Variants in DLC1 observed in about 807,000 individuals in gnomAD.
DLC1 encodes the protein rho GTPase-activating protein 7.
A neutral mutation model predicts 140.3 loss-of-function variants in DLC1; 54 were observed. The ratio of observed to expected loss-of-function variants is 0.38; its 90% CI spans 0.31 to 0.48. DLC1 has a LOEUF of 0.48. Among genes scored for constraint, DLC1 ranks in the 20% least tolerant of loss-of-function variants. The pLI, the probability that DLC1 is intolerant of heterozygous loss-of-function variation, is 0.96. For synonymous variants in DLC1, 986 were observed against 728.1 expected (o/e 1.35, Z -5.70); for missense variants, 2,536 against 1,907.0 (o/e 1.33, Z -6.14).
chr8:13,465,416 A>G (rs906832330), intron 2 of DLC1, among the ~76,000 whole-genome samples: 2 of 152,160 alleles, frequency 1.3e-5, no homozygotes, highest in African/African-American at 4.8e-5. Flanking sequence ...GGTGTATTTG[A>G]CATTTTAATT....
intron 2 of DLC1, among the ~76,000 whole-genome samples, chr8:13,487,222 G>A (rs951929664): frequency 6.6e-6 from 1 of 152,174 alleles, no homozygotes; most frequent in Non-Finnish European, 1.5e-5. Flanking sequence ...TGCATTTCCA[G>A]TTGTGGATGA....
intron 1 of DLC1, among the ~76,000 whole-genome samples, chr8:13,547,708 A>C (rs73210093): frequency 0.068 from 10,402 of 152,142 alleles, 568 homozygotes; most frequent in Admixed American, 0.17. Context: ...CTCGACTAAT[A>C]ACAAAATATT....
intron 2 of DLC1, among the ~76,000 whole-genome samples, chr8:13,449,319 C>G (rs1279956305): frequency 6.6e-6 from 1 of 152,098 alleles, no homozygotes; most frequent in Admixed American, 6.5e-5. Flanking sequence ...GTCTTTGAAA[C>G]AAGAAGGAGG....
At chr8:13,538,820 G>T (rs1383171034) in intron 1 of DLC1, among the ~76,000 whole-genome samples, 1 of 152,180 alleles carries the variant, frequency 6.6e-6, no homozygotes, top group East Asian at 1.9e-4. Context: ...CTGTATGTGA[G>T]CAAAATATTG....
At chr8:13,450,563 T>C (rs1490440886) in intron 2 of DLC1, among the ~76,000 whole-genome samples, 1 of 152,064 alleles carries the variant, frequency 6.6e-6, no homozygotes, top group African/African-American at 2.4e-5. Flanking sequence ...TATTTGAATT[T>C]GAAAACTATA....
intron 2 of DLC1, among the ~76,000 whole-genome samples, chr8:13,497,653 G>A (rs1169019238): frequency 6.6e-6 from 1 of 152,148 alleles, no homozygotes; most frequent in Non-Finnish European, 1.5e-5. Context: ...GTTGGGTGGA[G>A]TTTGTTTTAT....
rs765632532 is a variant in DLC1, at chr8:13,090,330, C to T, written c.3996G>A (p.Leu1332=). Residue 1332 remains leucine (L), a synonymous_variant, in exon 15 of 18, where the codon CTG becomes CTA. Coordinates refer to ENST00000276297, the MANE Select transcript of DLC1 (RefSeq NM_182643.3). ...TAAACTTCTCTTTGACTTCTTTAAA[C>T]AGGCCATCCACACAGTCCTGGAGGA... is the stretch of plus-strand genomic sequence containing the variant. ...QHFLQDCVDG[L]FKEVKEKFKG... 16 of 1,614,084 alleles carry T rather than the reference C, an allele frequency of 9.9e-6. No homozygotes were observed. The highest frequency in any genetic ancestry group is 1.4e-5 in the Non-Finnish European group (16 of 1,180,042).
At chr8:13,432,658 C>T (rs1349225579) in intron 2 of DLC1, among the ~76,000 whole-genome samples, 1 of 152,092 alleles carries the variant, frequency 6.6e-6, no homozygotes, top group African/African-American at 2.4e-5. Context: ...GTGTAAAGTG[C>T]CTCAGTGAAA....
At chr8:13,211,357 G>T (rs1383926763) in intron 5 of DLC1, among the ~76,000 whole-genome samples, 4 of 151,960 alleles carry the variant, frequency 2.6e-5, no homozygotes, top group Admixed American at 2.0e-4. Context: ...GCTGTACTCT[G>T]TGTGCTACTT....
At chr8:13,437,469 T>G (rs1052946567) in intron 2 of DLC1, among the ~76,000 whole-genome samples, 3 of 152,232 alleles carry the variant, frequency 2.0e-5, no homozygotes, top group Admixed American at 1.3e-4. Flanking sequence ...ATGCATGATG[T>G]AAGCCAAGTA....
intron 5 of DLC1, among the ~76,000 whole-genome samples, chr8:13,230,877 G>A (rs1295591771): frequency 6.6e-6 from 1 of 152,120 alleles, no homozygotes. Context: ...GGTTATAGGT[G>A]TGAGCCACTG....
chr8:13,226,277 T>G (rs545912656), intron 5 of DLC1, among the ~76,000 whole-genome samples: 22 of 152,318 alleles, frequency 1.4e-4, no homozygotes, highest in African/African-American at 5.1e-4. Flanking sequence ...ATTTGGAAAT[T>G]TCTCTAGAAA....
At chr8:13,372,953 C>A (rs1835795884) in intron 4 of DLC1, among the ~76,000 whole-genome samples, 1 of 152,208 alleles carries the variant, frequency 6.6e-6, no homozygotes, top group African/African-American at 2.4e-5. Context: ...CAGAGAACAG[C>A]AGCTAGGAAG....
chr8:13,504,176 G>T (rs527555018), intron 1 of DLC1, among the ~76,000 whole-genome samples: 64 of 149,906 alleles, frequency 4.3e-4, no homozygotes, highest in African/African-American at 1.5e-3. Context: ...GCCCAGGCTG[G>T]AGTGCAATGG....
At chr8:13,128,094 T>C (rs1023832991) in intron 5 of DLC1, among the ~76,000 whole-genome samples, 2 of 151,434 alleles carry the variant, frequency 1.3e-5, no homozygotes, top group African/African-American at 4.9e-5. Flanking sequence ...GGCTGATGAA[T>C]GATTAAGAGA....
intron 5 of DLC1, among the ~76,000 whole-genome samples, chr8:13,122,217 C>A (rs1465934594): frequency 6.6e-6 from 1 of 152,168 alleles, no homozygotes; most frequent in East Asian, 1.9e-4. Context: ...AAATACAATC[C>A]AAACTCCTCA....
intron 4 of DLC1, among the ~76,000 whole-genome samples, chr8:13,306,558 T>G (rs202098217): frequency 0.043 from 6,126 of 142,418 alleles, 149 homozygotes; most frequent in South Asian, 0.097. Context: ...GTGTGTGTGT[T>G]TGTGTGTGTG....
At chr8:13,485,915 T>G (rs953524130) in intron 2 of DLC1, among the ~76,000 whole-genome samples, 1 of 152,228 alleles carries the variant, frequency 6.6e-6, no homozygotes, top group Non-Finnish European at 1.5e-5. Context: ...ATCAATGACA[T>G]GTTTAAAAGA....
intron 5 of DLC1, among the ~76,000 whole-genome samples, chr8:13,144,526 G>C (rs905503903): frequency 1.3e-5 from 2 of 152,176 alleles, no homozygotes; most frequent in Admixed American, 6.5e-5. Flanking sequence ...AGCACTTTGG[G>C]AGGCCGAGGC....
Sources: gnomAD v4.1 joint callset for allele counts (sites outside exome capture counted in the v4.1 genomes callset) on GRCh38, gnomAD v4.1.1 for gene constraint, MANE v1.5 for transcripts, NCBI Gene and HGNC (gene_info 2026-07-23, HGNC 2026-07-21) for gene names.